The following NFIB variants were observed in gnomAD, a reference collection of about 807,000 sequenced individuals.
The protein encoded by NFIB is nuclear factor 1 B-type.
Under a neutral mutation model 61.5 loss-of-function variants are expected in NFIB, and 11 were observed. The observed-to-expected ratio is 0.18, with a 90% CI of 0.11 to 0.30. The LOEUF is 0.30. Among genes scored for constraint, NFIB ranks in the 10% least tolerant of loss-of-function variants. The pLI is 1.00. For synonymous variants in NFIB, 260 were observed against 216.5 expected, an observed-to-expected ratio of 1.20 and a Z score of -1.76; for missense variants, 471 against 608.9, an observed-to-expected ratio of 0.77 and a Z score of 2.38.
intron 1 of NFIB, among the ~76,000 whole-genome samples, chr9:14,327,589 G>C (rs2060771313): frequency 6.6e-6 from 1 of 152,092 alleles, no homozygotes; most frequent in African/African-American, 2.4e-5. Flanking sequence ...CTATTCTGTT[G>C]TGCTAATATT....
the NFIB span, among the ~76,000 whole-genome samples, chr9:14,437,315 T>C: frequency 2.6e-5 from 4 of 152,248 alleles, no homozygotes; most frequent in Non-Finnish European, 5.9e-5. Context: ...TTTTCTGAAG[T>C]TCATGGAAGC....
At chr9:14,350,478 C>A (rs1013783292) in intron 1 of NFIB, among the ~76,000 whole-genome samples, 1 of 151,740 alleles carries the variant, frequency 6.6e-6, no homozygotes, top group Admixed American at 6.6e-5. Context: ...ACCCCCGCTG[C>A]CCCCAATTCC....
chr9:14,495,446 C>CTTTTTTTTTTTTTT, the NFIB span, among the ~76,000 whole-genome samples: 1,755 of 117,026 alleles, frequency 0.015, 242 homozygotes, highest in African/African-American at 0.047. Flanking sequence ...GAGAAATGAA[C>CTTTTTTTTTTTTTT]TTTTTTTTTT....
chr9:14,149,453 T>C (rs1418839638), intron 5 of NFIB, among the ~76,000 whole-genome samples: 1 of 150,448 alleles, frequency 6.6e-6, no homozygotes, highest in Non-Finnish European at 1.5e-5. Flanking sequence ...CTAGCTCAAA[T>C]AAAAAAAAAT....
At chr9:14,483,750 G>C in the NFIB span, among the ~76,000 whole-genome samples, 1 of 152,196 alleles carries the variant, frequency 6.6e-6, no homozygotes, top group Non-Finnish European at 1.5e-5. Context: ...AAAGCACATG[G>C]CTATGGTTCC....
the NFIB span, among the ~76,000 whole-genome samples, chr9:14,461,884 G>A: frequency 6.6e-5 from 10 of 152,318 alleles, no homozygotes; most frequent in East Asian, 1.7e-3. Flanking sequence ...TTCCTGAAGA[G>A]TCCAAAGAGC....
the NFIB span, among the ~76,000 whole-genome samples, chr9:14,530,602 CA>C: frequency 1.3e-5 from 2 of 152,136 alleles, no homozygotes; most frequent in Non-Finnish European, 2.9e-5. Flanking sequence ...GTTGAGCTTT[CA>C]CGAGACGCCT....
the NFIB span, among the ~76,000 whole-genome samples, chr9:14,425,607 A>ATT: frequency 6.3e-4 from 62 of 99,018 alleles, no homozygotes; most frequent in South Asian, 1.1e-3. Flanking sequence ...TTGCTACATA[A>ATT]TTTTTTTTTT....
At chr9:14,330,149 G>C (rs2060804292) in intron 1 of NFIB, among the ~76,000 whole-genome samples, 1 of 152,036 alleles carries the variant, frequency 6.6e-6, no homozygotes, top group African/African-American at 2.4e-5. Context: ...AGAAAACAAA[G>C]AAACAAACAA....
At chr9:14,414,503 C>T in the NFIB span, among the ~76,000 whole-genome samples, 20,571 of 140,584 alleles carry the variant, frequency 0.15, 1,666 homozygotes, top group Non-Finnish European at 0.16. Flanking sequence ...GCCTTTCTCA[C>T]GTTTTGTATT....
At chr9:14,481,228 T>C in the NFIB span, among the ~76,000 whole-genome samples, 2 of 121,394 alleles carry the variant, frequency 1.6e-5, 1 homozygote, top group Non-Finnish European at 3.5e-5. Flanking sequence ...TATATATATA[T>C]ATATGTAGCT....
intron 1 of NFIB, among the ~76,000 whole-genome samples, chr9:14,395,390 A>C (rs2061672909): frequency 6.6e-6 from 1 of 151,772 alleles, no homozygotes; most frequent in Admixed American, 6.6e-5. Context: ...TGAAAAAAAT[A>C]GTAGTGATTG....
chr9:14,515,600 G>T, the NFIB span, among the ~76,000 whole-genome samples: 8 of 152,084 alleles, frequency 5.3e-5, no homozygotes, highest in Admixed American at 5.2e-4. Context: ...CGTGGGCCCA[G>T]GAATGTGAGT....
the NFIB span, among the ~76,000 whole-genome samples, chr9:14,495,422 T>C: frequency 2.8e-5 from 4 of 144,280 alleles, no homozygotes; most frequent in South Asian, 4.4e-4. Context: ...ACAGCAGCAA[T>C]AGATTGAAGA....
At chr9:14,166,874 T>C (rs1563855499) in intron 3 of NFIB, among the ~76,000 whole-genome samples, 2 of 152,230 alleles carry the variant, frequency 1.3e-5, no homozygotes, top group East Asian at 1.9e-4. Flanking sequence ...TTTCTTGATA[T>C]TCTTCCTCAT....
At chr9:14,377,367 C>T (rs1206367084) in intron 1 of NFIB, among the ~76,000 whole-genome samples, 10 of 152,082 alleles carry the variant, frequency 6.6e-5, no homozygotes, top group Admixed American at 6.5e-4. Context: ...AAGTGCACAC[C>T]ACCACACCTG....
the NFIB span, among the ~76,000 whole-genome samples, chr9:14,467,797 A>T: frequency 2.6e-5 from 4 of 152,194 alleles, no homozygotes; most frequent in African/African-American, 9.6e-5. Context: ...CAGGAGGCCA[A>T]ACATCTTACA....
At chr9:14,315,910 G>A (rs934929556), upstream of NFIB, among the ~76,000 whole-genome samples, 1 of 151,472 alleles carries the variant, frequency 6.6e-6, no homozygotes, top group Admixed American at 6.6e-5. Flanking sequence ...GGGTCCTCGC[G>A]GGCCCATCCC....
intron 10 of NFIB, among the ~76,000 whole-genome samples, chr9:14,098,902 C>G (rs746503577): frequency 1.1e-4 from 17 of 152,198 alleles, no homozygotes; most frequent in Non-Finnish European, 2.4e-4. Context: ...GCTGTGAAAA[C>G]TTTCCCAAAG....
Sources: gnomAD v4.1 joint callset for allele counts (sites outside exome capture counted in the v4.1 genomes callset) on GRCh38, gnomAD v4.1.1 for gene constraint, MANE v1.5 for transcripts, NCBI Gene and HGNC (gene_info 2026-07-23, HGNC 2026-07-21) for gene names.